The following DOP1B variants were observed in gnomAD, a reference collection of about 807,000 sequenced individuals.
DOP1B encodes DOP1 leucine zipper like protein B.
In DOP1B, 174 loss-of-function variants were observed where a neutral mutation model predicts 233.5. The observed-to-expected ratio is 0.75, with a 90% CI of 0.66 to 0.85. The LOEUF is 0.85. Among genes scored for constraint, DOP1B ranks in the 40% least tolerant of loss-of-function variants. The pLI is 0.00. For synonymous variants in DOP1B, 1,190 were observed against 1,185.6 expected, an observed-to-expected ratio of 1.00 and a Z score of -0.08; for missense variants, 2,652 against 2,846.6, an observed-to-expected ratio of 0.93 and a Z score of 1.56.
rs756561079 is a variant in DOP1B, at chr21:36,270,054, C to A, written c.5529C>A (p.Ala1843=). ...QKILEAVGNI[A]GSSLEQTSWL... Reference sequence around the variant, plus strand: ...TCCTAGAAGCTGTGGGGAACATTGCCGGCTCTTCCTTGGAGCAAACCAGCT... The same window carrying A: ...TCCTAGAAGCTGTGGGGAACATTGCAGGCTCTTCCTTGGAGCAAACCAGCT... The change falls in exon 27 of 37, where the codon GCC becomes GCA. Residue 1843 remains alanine (A), a synonymous_variant. Coordinates refer to ENST00000691173, the MANE Select transcript of DOP1B (RefSeq NM_001320714.2). 6.2e-7 allele frequency: 1 copy of A among 1,613,922 alleles called. No homozygotes were observed. Among genetic ancestry groups the A allele is most frequent in the Non-Finnish European group, 8.5e-7 (1 of 1,180,014 alleles).
Position 36,293,352 on chromosome 21 carries a change from G to A in DOP1B, c.6678G>A (p.Lys2226=), listed in dbSNP as rs756128658. The change falls in exon 37 of 37, where the codon AAG becomes AAA. Residue 2226 remains lysine (K), a synonymous_variant. Transcript: ENST00000691173. ...GTAGCTCTGATGAGATCACCATGAAGAGTGAATTCCCGCTTCTGCGCCAAC... is the reference window on the plus strand; with the variant it reads ...GTAGCTCTGATGAGATCACCATGAAAAGTGAATTCCCGCTTCTGCGCCAAC... ...EISSSDEITM[K]SEFPLLRQHS... 1.2e-6 allele frequency: 2 copies of A among 1,614,158 alleles called. No individual in the cohort carries two copies. Among genetic ancestry groups the A allele is most frequent in the Non-Finnish European group, 1.7e-6 (2 of 1,180,050 alleles).
chr21:36,177,103 G>A (rs368142418), intron 2 of DOP1B, among the ~76,000 whole-genome samples: 31 of 152,242 alleles, frequency 2.0e-4, no homozygotes, highest in South Asian at 1.0e-3. Flanking sequence ...GTGAGCCACC[G>A]TGCCCAGTCC....
intron 2 of DOP1B, among the ~76,000 whole-genome samples, chr21:36,168,292 C>T (rs2065935675): frequency 6.6e-6 from 1 of 151,954 alleles, no homozygotes; most frequent in South Asian, 2.1e-4. Flanking sequence ...AGATTTTTAC[C>T]TTTTGGCTAT....
At chr21:36,167,747 C>T (rs1008251371) in intron 2 of DOP1B, among the ~76,000 whole-genome samples, 1 of 151,420 alleles carries the variant, frequency 6.6e-6, no homozygotes, top group Non-Finnish European at 1.5e-5. Flanking sequence ...ATCTACTTTC[C>T]CTCTCTACGG....
Position 36,232,786 on chromosome 21 carries a change from C to G in DOP1B, c.2351-18C>G. 6.2e-7 allele frequency: 1 copy of G among 1,611,544 alleles called. No homozygotes were observed. Among genetic ancestry groups the G allele is most frequent in the Non-Finnish European group, 8.5e-7 (1 of 1,179,598 alleles). On this transcript the variant is annotated intron_variant, in intron 14 of 36. Transcript: ENST00000691173. ...GTGGTTCTGCTTGTTTCTGCCTCTCCGGCTGGCTTCCTTTCAGGAGCCGGT... is the reference window on the plus strand; with the variant it reads ...GTGGTTCTGCTTGTTTCTGCCTCTCGGGCTGGCTTCCTTTCAGGAGCCGGT...
At chr21:36,291,622 A>C (rs945896328) in intron 35 of DOP1B, among the ~76,000 whole-genome samples, 1 of 152,172 alleles carries the variant, frequency 6.6e-6, no homozygotes. Context: ...TATAATAGGC[A>C]AGAAGTAGAG....
At chr21:36,162,489 T>A (rs2065877673) in intron 1 of DOP1B, among the ~76,000 whole-genome samples, 1 of 152,158 alleles carries the variant, frequency 6.6e-6, no homozygotes. Flanking sequence ...GTTCAGCTGG[T>A]GTCCCTTTTA....
At chr21:36,278,676 T>C (rs764808242) in intron 30 of DOP1B, among the ~76,000 whole-genome samples, 3 of 152,120 alleles carry the variant, frequency 2.0e-5, no homozygotes, top group Non-Finnish European at 4.4e-5. Flanking sequence ...GAGACCAGCC[T>C]GGCCAACATG....
chr21:36,276,579 G>T (rs1279748946), intron 27 of DOP1B, among the ~76,000 whole-genome samples: 1 of 151,666 alleles, frequency 6.6e-6, no homozygotes, highest in Admixed American at 6.6e-5. Context: ...GGTGGCTCAC[G>T]CCTGTAATCT....
Position 36,277,028 on chromosome 21 carries a change from TGCAGCTTCA to T in DOP1B, c.5644_5652del (p.Ala1882_Ala1884del). ...GGCTCTTTCTGTTCACAGATGCTGC[TGCAGCTTCA>T]GCAATGGTGTCTTCATCCGCCCCGT... is the stretch of plus-strand genomic sequence containing the variant. On this transcript the variant is annotated inframe_deletion, in exon 28 of 37. Transcript: ENST00000691173. The T allele has an allele frequency of 6.2e-7, 1 of 1,614,156 alleles. No individual in the cohort carries two copies. The highest frequency in any genetic ancestry group is 8.5e-7 in the Non-Finnish European group (1 of 1,180,012).
In DOP1B at chr21:36,231,046, C is replaced by T. The variant is rs777316730; in HGVS notation, c.2262C>T (p.Cys754=). ...EERREAFAAA[C]HLLLDCATFP... ...GCAGGGAGGCCTTTGCCGCCGCCTGCCACCTGCTGCTGGATTGTGCCACTT... is the reference window on the plus strand; with the variant it reads ...GCAGGGAGGCCTTTGCCGCCGCCTGTCACCTGCTGCTGGATTGTGCCACTT... Residue 754 remains cysteine (C), a synonymous_variant, in exon 14 of 37, where the codon TGC becomes TGT. Transcript: ENST00000691173. The T allele has an allele frequency of 4.3e-6, 7 of 1,613,956 alleles. No homozygotes were observed. In the Admixed American group the frequency reaches 1.0e-4, roughly 23 times the overall value.
chr21:36,222,455 G>A (rs111774134), intron 10 of DOP1B, among the ~76,000 whole-genome samples: 1,813 of 151,410 alleles, frequency 0.012, 35 homozygotes, highest in African/African-American at 0.043. Context: ...GGTGGTGCAC[G>A]TCTGTAATCC....
chr21:36,186,217 A>C (rs1231712661), intron 2 of DOP1B, among the ~76,000 whole-genome samples: 1 of 150,220 alleles, frequency 6.7e-6, no homozygotes, highest in African/African-American at 2.5e-5. Flanking sequence ...AAAAAAAAAG[A>C]AGTAATTTTC....
chr21:36,268,368 C>T (rs1019985669), intron 26 of DOP1B, among the ~76,000 whole-genome samples: 30 of 152,156 alleles, frequency 2.0e-4, no homozygotes, highest in African/African-American at 7.2e-4. Flanking sequence ...CCCAACCCCA[C>T]AGGCAGTCAG....
chr21:36,174,792 G>C (rs994297880), intron 2 of DOP1B, among the ~76,000 whole-genome samples: 1 of 152,178 alleles, frequency 6.6e-6, no homozygotes, highest in African/African-American at 2.4e-5. Context: ...GAGCCACCGT[G>C]CCTGGCCGGG....
intron 28 of DOP1B, 91 bp from the exon 29 acceptor site, chr21:36,277,884 C>G: frequency 1.0e-6 from 1 of 987,790 alleles, no homozygotes; most frequent in Non-Finnish European, 1.6e-6. Context: ...TCAAGTGATC[C>G]GCCCTCCTCA....
At chr21:36,169,565 G>T in intron 2 of DOP1B, 1 of 1,098,368 alleles carries the variant, frequency 9.1e-7, no homozygotes, top group Non-Finnish European at 1.4e-6. Context: ...TTGGTTCACA[G>T]GTACCTGCTG....
chr21:36,289,246 G>T (rs907370355), intron 35 of DOP1B, 40 bp downstream of exon 35: 2 of 1,592,690 alleles, frequency 1.3e-6, no homozygotes, highest in South Asian at 1.2e-5. Context: ...TGAAGTAAGA[G>T]ATTTTGTTTT....
rs553426961 is a variant in DOP1B at position 36,291,598 on chromosome 21, A to AT, written c.6516-505dup. ...TGGGTTCCGATATATGTGAATGTGCATAGCAACATTATTTATAATAGGCAA... is the reference window on the plus strand; with the variant it reads ...TGGGTTCCGATATATGTGAATGTGCATTAGCAACATTATTTATAATAGGCAA... On this transcript the variant is annotated intron_variant, in intron 35 of 36. Coordinates refer to ENST00000691173, the MANE Select transcript of DOP1B (RefSeq NM_001320714.2). Among the ~76,000 whole-genome samples, 464 of 152,294 alleles carry AT rather than the reference A, an allele frequency of 3.0e-3. 2 individuals carry two copies. Among genetic ancestry groups the AT allele is most frequent in the Non-Finnish European group, 5.1e-3 (349 of 68,020 alleles).
Sources: allele counts gnomAD v4.1 joint callset (sites outside exome capture counted in the v4.1 genomes callset), GRCh38; gene constraint gnomAD v4.1.1; transcripts MANE v1.5; gene names NCBI Gene and HGNC (gene_info 2026-07-23, HGNC 2026-07-21).